Variants in CREB5 observed in about 807,000 individuals in gnomAD.
The protein encoded by CREB5 is cAMP responsive element binding protein 5.
In CREB5, 19 loss-of-function variants were observed where a neutral mutation model predicts 57.1. The observed-to-expected ratio is 0.33, with a 90% CI of 0.23 to 0.49. The LOEUF (loss-of-function observed/expected upper bound fraction) is 0.49, where lower values mean the gene tolerates loss of function less well. Ranked by LOEUF, CREB5 falls within the 20% of genes least tolerant of loss-of-function variation. The pLI is 0.99. For synonymous variants in CREB5, 238 were observed against 238.3 expected (o/e 1.00, Z 0.01); for missense variants, 579 against 671.6 (o/e 0.86, Z 1.52).
intron 7 of CREB5, among the ~76,000 whole-genome samples, chr7:28,775,220 A>G (rs183803618): frequency 2.6e-5 from 4 of 151,970 alleles, no homozygotes; most frequent in African/African-American, 7.2e-5. Context: ...GTTGCCCACA[A>G]TCCCTCCTGC....
At chr7:28,682,137 G>A (rs1800627697) in intron 5 of CREB5, among the ~76,000 whole-genome samples, 2 of 152,202 alleles carry the variant, frequency 1.3e-5, no homozygotes, top group Admixed American at 1.3e-4. Context: ...TGCCAGGGTT[G>A]GGGTATAGGA....
At chr7:28,560,881 T>TGTGTGCGCGTGTGTGC (rs1554344374) in intron 4 of CREB5, among the ~76,000 whole-genome samples, 1,123 of 46,080 alleles carry the variant, frequency 0.024, 142 homozygotes, top group African/African-American at 0.067. Flanking sequence ...TGCGCGTGCG[T>TGTGTGCGCGTGTGTGC]GCGTGCGTGT....
At chr7:28,410,520 A>T (rs1034323570), upstream of CREB5, 2 of 456,574 alleles carry the variant, frequency 4.4e-6, no homozygotes, top group Middle Eastern at 6.5e-4. Context: ...TTTGCCATAG[A>T]TTTATTTTTA....
At chr7:28,672,778 C>CA (rs1440943200) in intron 5 of CREB5, among the ~76,000 whole-genome samples, 1 of 152,206 alleles carries the variant, frequency 6.6e-6, no homozygotes, top group East Asian at 1.9e-4. Context: ...GTTGAGCAAG[C>CA]AAGCAGCTTA....
rs188922020 is a variant in CREB5 at position 28,428,522 on chromosome 7, C to A, written c.3+15605C>A. Among the ~76,000 whole-genome samples the A allele has an allele frequency of 5.8e-4, 88 of 152,230 alleles. 1 individual carries two copies. The Middle Eastern group carries it at 0.017, about 29-fold the overall frequency. ...TATTTTGAAGGTAAACCTAGCAGGA[C>A]TTGCTGAGGGATTGGCTGTGAAGAT... On this transcript the variant is annotated intron_variant, in intron 1 of 10. Transcript: ENST00000357727.
At chr7:28,490,347 TG>T (rs1455204165) in intron 2 of CREB5, among the ~76,000 whole-genome samples, 1 of 152,150 alleles carries the variant, frequency 6.6e-6, no homozygotes, top group African/African-American at 2.4e-5. Context: ...GGGAGGTAAA[TG>T]CCAGTCTCCA....
intron 7 of CREB5, among the ~76,000 whole-genome samples, chr7:28,746,883 G>T (rs966188640): frequency 7.2e-5 from 11 of 152,090 alleles, no homozygotes; most frequent in African/African-American, 2.2e-4. Context: ...AAACGTTATT[G>T]GTTCCCAGAC....
intron 5 of CREB5, among the ~76,000 whole-genome samples, chr7:28,583,459 A>C (rs1254646369): frequency 1.3e-5 from 2 of 152,188 alleles, no homozygotes; most frequent in Non-Finnish European, 1.5e-5. Context: ...ATCAGAAGGG[A>C]AACATAGAGA....
intron 4 of CREB5, among the ~76,000 whole-genome samples, chr7:28,555,312 T>C (rs936449558): frequency 6.6e-6 from 1 of 152,226 alleles, no homozygotes; most frequent in African/African-American, 2.4e-5. Flanking sequence ...CAATACTAGG[T>C]ACAACTGCAT....
rs559681491 is a variant in CREB5, at chr7:28,392,029, A to G, written c.-25+92588A>G. 3.3e-5 allele frequency among the ~76,000 whole-genome samples: 5 copies of G among 152,248 alleles called. No individual in the cohort carries two copies. In the East Asian group the frequency reaches 9.7e-4, roughly 29 times the overall value. On this transcript the variant is annotated intron_variant, in intron 1 of 9. Coordinates refer to the CREB5 transcript ENST00000396299. ...TAGCAATGTAATGGAGGAACAGAAA[A>G]CCAAATACCGCATGTTCTCACTTGT...
At chr7:28,438,342 G>A (rs764922590) in intron 1 of CREB5, among the ~76,000 whole-genome samples, 18 of 152,124 alleles carry the variant, frequency 1.2e-4, no homozygotes, top group Non-Finnish European at 2.2e-4. Flanking sequence ...GGGAATGAGA[G>A]TGTGGACTGA....
At chr7:28,333,930 T>C (rs760596484) in intron 1 of CREB5, among the ~76,000 whole-genome samples, 2 of 152,208 alleles carry the variant, frequency 1.3e-5, no homozygotes, top group Non-Finnish European at 2.9e-5. Flanking sequence ...ACTTGCCAGA[T>C]TATATGACAG....
At chr7:28,321,523 C>G (rs958613163) in intron 1 of CREB5, among the ~76,000 whole-genome samples, 1 of 152,234 alleles carries the variant, frequency 6.6e-6, no homozygotes, top group Non-Finnish European at 1.5e-5. Context: ...CAAGTATAGA[C>G]TCACAAGTGC....
intron 1 of CREB5, among the ~76,000 whole-genome samples, chr7:28,378,135 G>A (rs1786881289): frequency 6.6e-6 from 1 of 152,010 alleles, no homozygotes; most frequent in African/African-American, 2.4e-5. Flanking sequence ...TGGGCTCCAG[G>A]TTTCCATGAT....
At chr7:28,490,158 G>GAT (rs766777367) in intron 2 of CREB5, among the ~76,000 whole-genome samples, 17 of 152,206 alleles carry the variant, frequency 1.1e-4, no homozygotes, top group Non-Finnish European at 2.4e-4. Context: ...CAATCTGATT[G>GAT]CTCTGGGGAA....
At chr7:28,329,503 A>G (rs1785674197) in intron 1 of CREB5, among the ~76,000 whole-genome samples, 1 of 152,248 alleles carries the variant, frequency 6.6e-6, no homozygotes, top group South Asian at 2.1e-4. Context: ...GTAAATTCAA[A>G]TTGTAAACAT....
chr7:28,717,083 ATTC>A (rs1802731373), intron 5 of CREB5, among the ~76,000 whole-genome samples: 1 of 79,902 alleles, frequency 1.3e-5, no homozygotes, highest in South Asian at 4.0e-4. Context: ...AAGGCTTTAT[ATTC>A]TTTTTTTTTT....
At chr7:28,727,719 G>T (rs1241606777) in intron 7 of CREB5, among the ~76,000 whole-genome samples, 1 of 152,176 alleles carries the variant, frequency 6.6e-6, no homozygotes, top group African/African-American at 2.4e-5. Flanking sequence ...CACCTGTCTT[G>T]TGTCTCATTA....
intron 7 of CREB5, among the ~76,000 whole-genome samples, chr7:28,775,453 T>C (rs1806564398): frequency 6.6e-6 from 1 of 151,772 alleles, no homozygotes; most frequent in Non-Finnish European, 1.5e-5. Context: ...GCAGAAGCCC[T>C]CTGGGAACTG....
Sources: gnomAD v4.1 joint callset for allele counts (sites outside exome capture counted in the v4.1 genomes callset) on GRCh38, gnomAD v4.1.1 for gene constraint, MANE v1.5 for transcripts, NCBI Gene and HGNC (gene_info 2026-07-23, HGNC 2026-07-21) for gene names.